ARHGAP39: variants seen among roughly 807,000 people sequenced by gnomAD.
ARHGAP39 encodes the protein Rho GTPase activating protein 39, also known as rho GTPase-activating protein 39.
In ARHGAP39, 44 loss-of-function variants were observed where a neutral mutation model predicts 106.9. That is an observed-to-expected ratio of 0.41 (90% CI 0.32 to 0.53). ARHGAP39 has a LOEUF of 0.53. ARHGAP39 is among the 20% of genes least tolerant of loss of function. ARHGAP39 has a pLI of 0.21. For missense variants in ARHGAP39, 1,496 were observed against 1,577.3 expected, an observed-to-expected ratio of 0.95 and a Z score of 0.87; for synonymous variants, 768 against 693.2, an observed-to-expected ratio of 1.11 and a Z score of -1.69.
chr8:144,551,208 G>A (rs542236935), intron 4 of ARHGAP39, among the ~76,000 whole-genome samples: 2 of 152,208 alleles, frequency 1.3e-5, no homozygotes, highest in East Asian at 1.9e-4. Context: ...GGTTGCTGGG[G>A]GAGGATGGGG....
chr8:144,674,204 G>A (rs1443450256), intron 1 of ARHGAP39, among the ~76,000 whole-genome samples: 1 of 152,202 alleles, frequency 6.6e-6, no homozygotes, highest in Non-Finnish European at 1.5e-5. Context: ...CATTCAGCAG[G>A]TCCCAAGTTC....
At chr8:144,568,958 C>A (rs1483940920) in intron 3 of ARHGAP39, among the ~76,000 whole-genome samples, 1 of 152,076 alleles carries the variant, frequency 6.6e-6, no homozygotes. Context: ...TAAGCCTGAC[C>A]CTAGCCATGC....
In ARHGAP39 at chr8:144,532,517, C is replaced by A. The variant is rs1816770198; in HGVS notation, c.2889-121G>T. 5.0e-6 allele frequency: 4 copies of A among 806,816 alleles called. No homozygotes were observed. The East Asian group carries it at 8.1e-5, about 16-fold the overall frequency. The allele number at this position is 806,816 out of a possible 1,614,324, so 50.0% of individuals were successfully genotyped here. ...GGGGAGGGGAGCAAAACCTCAGGAC[C>A]CCCCGCCACCCCGGTTGGCCTCTTT... On this transcript the variant is annotated intron_variant, in intron 9 of 11. Coordinates refer to ENST00000377307, the MANE Select transcript of ARHGAP39 (RefSeq NM_025251.3).
Position 144,580,869 on chromosome 8 carries a change from C to A in ARHGAP39, c.489G>T (p.Gly163=), listed in dbSNP as rs201172700. 3.8e-6 allele frequency: 6 copies of A among 1,578,864 alleles called. No homozygotes were observed. In the Admixed American group the frequency reaches 1.0e-4, roughly 27 times the overall value. Residue 163 remains glycine (G), a synonymous_variant, in exon 3 of 12, where the codon GGG becomes GGT. Coordinates refer to ENST00000377307, the MANE Select transcript of ARHGAP39 (RefSeq NM_025251.3). ...ACCTGCCGCTGTCCTCCTTCACTGT[C>A]CCAAACGCCGCGGGCCGCCCGGCCC... ...PARAGRPAAF[G]TVKEDSGSSS...
At chr8:144,537,650 G>A (rs1271661768) in intron 7 of ARHGAP39, 71 bp downstream of exon 7, 14 of 1,385,992 alleles carry the variant, frequency 1.0e-5, no homozygotes, top group Non-Finnish European at 1.4e-5. Flanking sequence ...AGAAGAGAAG[G>A]CCAGGCGGCC....
chr8:144,610,444 G>A (rs1028350360), intron 1 of ARHGAP39, among the ~76,000 whole-genome samples: 3 of 152,098 alleles, frequency 2.0e-5, no homozygotes, highest in Non-Finnish European at 4.4e-5. Flanking sequence ...GGGCGTGGTG[G>A]CCCACGCCTG....
At chr8:144,593,616 A>T (rs560725931) in intron 2 of ARHGAP39, among the ~76,000 whole-genome samples, 86 of 152,254 alleles carry the variant, frequency 5.6e-4, no homozygotes, top group African/African-American at 2.0e-3. Context: ...CACCCGAGAG[A>T]GTGAAAACAC....
chr8:144,585,405 T>TGGAG lies in ARHGAP39; in HGVS notation c.81-4132_81-4129dup, dbSNP rs1161333446. Among the ~76,000 whole-genome samples the TGGAG allele has an allele frequency of 1.4e-5, 2 of 140,330 alleles. No individual in the cohort carries two copies. Among genetic ancestry groups the TGGAG allele is most frequent in the Admixed American group, 7.2e-5 (1 of 13,802 alleles). The allele number at this position is 140,330 out of a possible 152,430, so 92.1% of individuals were successfully genotyped here. On this transcript the variant is annotated intron_variant, in intron 2 of 11. Transcript: ENST00000377307. This position sits in a 1 kb window ranked among gnomAD's most constrained non-coding sequence, Gnocchi z 4.6. ...TCCCAGCACCGGCTCACCGAGAACCTGGAGGGGCCAGCCAGGGGTACCCAG... is the reference window on the plus strand; with the variant it reads ...TCCCAGCACCGGCTCACCGAGAACCTGGAGGGAGGGGCCAGCCAGGGGTACCCAG...
chr8:144,553,572 T>C (rs1586897978), intron 4 of ARHGAP39, among the ~76,000 whole-genome samples: 1 of 152,240 alleles, frequency 6.6e-6, no homozygotes, highest in East Asian at 1.9e-4. Flanking sequence ...TGCTGCACAC[T>C]GGCAGGCCTC....
intron 3 of ARHGAP39, among the ~76,000 whole-genome samples, chr8:144,558,216 T>C (rs1048814597): frequency 2.0e-5 from 3 of 152,222 alleles, no homozygotes; most frequent in African/African-American, 4.8e-5. Context: ...AAACACACAC[T>C]CCCGGATGGG....
chr8:144,584,871 C>T (rs189333027), intron 2 of ARHGAP39, among the ~76,000 whole-genome samples: 2 of 152,316 alleles, frequency 1.3e-5, no homozygotes, highest in East Asian at 3.9e-4. Context: ...GTCTTAGTTA[C>T]GTGGCTTTGT....
intron 3 of ARHGAP39, among the ~76,000 whole-genome samples, chr8:144,573,858 A>G (rs988072914): frequency 6.6e-6 from 1 of 152,238 alleles, no homozygotes; most frequent in African/African-American, 2.4e-5. Context: ...ATATTTATAA[A>G]TTACAAATGA....
chr8:144,658,825 G>A (rs1586642090), intron 1 of ARHGAP39, among the ~76,000 whole-genome samples: 1 of 152,004 alleles, frequency 6.6e-6, no homozygotes, highest in East Asian at 1.9e-4. Flanking sequence ...TAGACAAAAT[G>A]ATTATATATG....
chr8:144,615,285 G>A (rs867842392), intron 1 of ARHGAP39, among the ~76,000 whole-genome samples: 12 of 151,958 alleles, frequency 7.9e-5, no homozygotes, highest in Middle Eastern at 3.4e-3. Context: ...GTGGCACTGC[G>A]CTCTAGCCTG....
Position 144,591,199 on chromosome 8 carries a change from C to G in ARHGAP39, c.81-9922G>C, listed in dbSNP as rs1343095195. ...TGCCTTCCCTGTCCATACACCTCCT[C>G]TCCCCAGCCGGAGCCTGGACCCCAA... On this transcript the variant is annotated intron_variant, in intron 2 of 11. Transcript: ENST00000377307. The surrounding 1 kb of genome is among the most constrained non-coding windows in gnomAD (Gnocchi z 5.3). Among the ~76,000 whole-genome samples the G allele has an allele frequency of 6.6e-6, 1 of 152,202 alleles. No homozygotes were observed. Among genetic ancestry groups the G allele is most frequent in the African/African-American group, 2.4e-5 (1 of 41,450 alleles).
At chr8:144,601,541 TGGA>T (rs1266005918) in intron 2 of ARHGAP39, among the ~76,000 whole-genome samples, 1 of 134,508 alleles carries the variant, frequency 7.4e-6, no homozygotes, top group Non-Finnish European at 1.5e-5. Flanking sequence ...TGTGTGTGCA[TGGA>T]GGCGTGCGTG....
intron 1 of ARHGAP39, among the ~76,000 whole-genome samples, chr8:144,606,309 T>G (rs1158686553): frequency 1.3e-5 from 2 of 152,156 alleles, no homozygotes; most frequent in Non-Finnish European, 2.9e-5. Flanking sequence ...TACATGGATT[T>G]TCTTCCTCCT....
At chr8:144,576,332 CAAAAAA>C (rs67038997) in intron 3 of ARHGAP39, among the ~76,000 whole-genome samples, 1 of 63,814 alleles carries the variant, frequency 1.6e-5, no homozygotes, top group Admixed American at 1.9e-4. Context: ...GACTCCGTCT[CAAAAAA>C]AAAAAAAAAA....
In ARHGAP39 at chr8:144,585,850, G is replaced by C. The variant is rs1819166520; in HGVS notation, c.81-4573C>G. 2.6e-5 allele frequency among the ~76,000 whole-genome samples: 4 copies of C among 152,196 alleles called. No individual in the cohort carries two copies. Among genetic ancestry groups the C allele is most frequent in the Non-Finnish European group, 5.9e-5 (4 of 68,030 alleles). ...CACACAAATAAAAATGGCAACTGTT[G>C]AAAGGGGCTGGACGGGTGCCCTGCC... On this transcript the variant is annotated intron_variant, in intron 2 of 11. Coordinates refer to ENST00000377307, the MANE Select transcript of ARHGAP39 (RefSeq NM_025251.3). This position sits in a 1 kb window ranked among gnomAD's most constrained non-coding sequence, Gnocchi z 4.6.
Sources: gnomAD v4.1 joint callset for allele counts (sites outside exome capture counted in the v4.1 genomes callset) on GRCh38, gnomAD v4.1.1 for gene constraint, Gnocchi (gnomAD v3.1) non-coding constraint, MANE v1.5 for transcripts, NCBI Gene and HGNC (gene_info 2026-07-23, HGNC 2026-07-21) for gene names.